Variants in SH3KBP1 observed in about 807,000 individuals in gnomAD.
SH3KBP1 encodes the protein SH3 domain containing kinase binding protein 1, also known as SH3 domain-containing kinase-binding protein 1.
A neutral mutation model predicts 50.1 loss-of-function variants in SH3KBP1; 8 were observed. The ratio of observed to expected loss-of-function variants is 0.16; its 90% CI spans 0.09 to 0.29. The LOEUF (loss-of-function observed/expected upper bound fraction) is 0.29. SH3KBP1 is among the 10% of genes least tolerant of loss of function. SH3KBP1 has a pLI of 1.00. For synonymous variants in SH3KBP1, 227 were observed against 218.6 expected, an observed-to-expected ratio of 1.04 and a Z score of -0.34; for missense variants, 377 against 535.2, an observed-to-expected ratio of 0.70 and a Z score of 2.92.
chrX:19,536,577 G>A (rs146800707), intron 17 of SH3KBP1, 119 bp from the exon 18 acceptor site: 18 of 442,075 alleles, frequency 4.1e-5, no homozygotes, highest in African/African-American at 4.0e-4. Flanking sequence ...AATTTTAAAG[G>A]TGACATGACA....
At chrX:19,733,505 T>TA (rs1201310070) in intron 3 of SH3KBP1, among the ~76,000 whole-genome samples, 5 of 110,111 alleles carry the variant, frequency 4.5e-5, no homozygotes, top group Non-Finnish European at 9.5e-5. Flanking sequence ...TATTTCAAAA[T>TA]AAAAATCAAT....
chrX:19,657,021 A>G (rs773031453), intron 6 of SH3KBP1, among the ~76,000 whole-genome samples: 1 of 111,774 alleles, frequency 8.9e-6, no homozygotes, highest in Admixed American at 9.5e-5. Flanking sequence ...GAAGGGAAAC[A>G]AAATAGTTTC....
At chrX:19,555,840 G>T (rs143698323) in intron 13 of SH3KBP1, among the ~76,000 whole-genome samples, 110 of 111,671 alleles carry the variant, frequency 9.9e-4, no homozygotes, top group African/African-American at 3.5e-3. Flanking sequence ...TGCCACAACT[G>T]AGGCGTCTTC....
intron 8 of SH3KBP1, among the ~76,000 whole-genome samples, chrX:19,626,517 C>T (rs992790462): frequency 1.8e-5 from 2 of 111,544 alleles, no homozygotes; most frequent in Non-Finnish European, 3.8e-5. Flanking sequence ...GATGACTGTA[C>T]TACTGTGTTG....
chrX:19,604,429 T>A (rs1473081161), intron 9 of SH3KBP1, among the ~76,000 whole-genome samples: 1 of 111,754 alleles, frequency 8.9e-6, no homozygotes, highest in Non-Finnish European at 1.9e-5. Context: ...GCAGAAAATA[T>A]GTCAGCCTTA....
At chrX:19,773,636 C>T (rs972579403) in intron 2 of SH3KBP1, among the ~76,000 whole-genome samples, 1 of 108,873 alleles carries the variant, frequency 9.2e-6, no homozygotes, top group East Asian at 2.9e-4. Context: ...ACAGGCGGAT[C>T]ACAAGGTCAG....
At chrX:19,776,223 C>T (rs1478524971) in intron 2 of SH3KBP1, among the ~76,000 whole-genome samples, 4 of 111,646 alleles carry the variant, frequency 3.6e-5, no homozygotes, top group East Asian at 2.8e-4. Context: ...GAGCCATAAG[C>T]GCCCTGTGCT....
At chrX:19,690,780 CG>C (rs1219966325) in intron 5 of SH3KBP1, among the ~76,000 whole-genome samples, 1 of 112,130 alleles carries the variant, frequency 8.9e-6, no homozygotes, top group African/African-American at 3.2e-5. Context: ...AATCATGATC[CG>C]TGACAATAAG....
At chrX:19,819,507 G>GATT (rs765516941) in intron 2 of SH3KBP1, among the ~76,000 whole-genome samples, 3 of 109,745 alleles carry the variant, frequency 2.7e-5, no homozygotes, top group Admixed American at 2.0e-4. Flanking sequence ...CTAATTTTTT[G>GATT]ATTATTATTA....
chrX:19,696,025 G>T (rs932684283), intron 4 of SH3KBP1, among the ~76,000 whole-genome samples: 5 of 111,813 alleles, frequency 4.5e-5, no homozygotes. Context: ...GGTTATGAAC[G>T]TAGGGTAGGT....
chrX:19,797,787 A>G (rs185435252), intron 2 of SH3KBP1, among the ~76,000 whole-genome samples: 1 of 110,313 alleles, frequency 9.1e-6, no homozygotes, highest in East Asian at 2.9e-4. Context: ...GGGTGAGAGA[A>G]CTTGTGACTG....
intron 1 of SH3KBP1, among the ~76,000 whole-genome samples, chrX:19,866,075 T>C (rs1432705432): frequency 8.9e-6 from 1 of 111,811 alleles, no homozygotes. Flanking sequence ...CATCCCGCAT[T>C]GCAGGGGGCC....
intron 12 of SH3KBP1, among the ~76,000 whole-genome samples, chrX:19,577,792 A>C (rs2066247585): frequency 9.0e-6 from 1 of 111,228 alleles, no homozygotes; most frequent in Admixed American, 9.5e-5. Context: ...AGCAAGGATG[A>C]AAGAAGAAAG....
In SH3KBP1 at chrX:19,836,194, C is replaced by T; in HGVS notation, c.93G>A (p.Lys31=). 1 of 1,208,812 alleles carries T rather than the reference C, an allele frequency of 8.3e-7. No individual in the cohort carries two copies. Among genetic ancestry groups the T allele is most frequent in the Admixed American group, 2.2e-5 (1 of 45,636 alleles). ...GTCCCTCCCACCAGCCTCCATCCTC[C>T]TTCCTGATGTTGGTGATGATTTCAC... ...SVGEIITNIR[K]EDGGWWEGQI... is the part of the protein sequence containing the mutation. Residue 31 remains lysine, a synonymous_variant, in exon 2 of 18, where the codon AAG becomes AAA. Transcript: ENST00000397821.
chrX:19,659,902 TGGA>T (rs2062407103), intron 6 of SH3KBP1, among the ~76,000 whole-genome samples: 1 of 112,768 alleles, frequency 8.9e-6, no homozygotes, highest in African/African-American at 3.2e-5. Flanking sequence ...CTATAAATGC[TGGA>T]GGAGGAGGAC....
chrX:19,835,582 AT>A (rs368097754), intron 2 of SH3KBP1, among the ~76,000 whole-genome samples: 21,683 of 97,020 alleles, frequency 0.22, 3,143 homozygotes, highest in African/African-American at 0.49. Flanking sequence ...AGCCTTTACT[AT>A]TTTTTTTTTT....
At chrX:19,692,502 C>T (rs1039471398) in intron 5 of SH3KBP1, among the ~76,000 whole-genome samples, 6 of 109,282 alleles carry the variant, frequency 5.5e-5, no homozygotes, top group African/African-American at 2.0e-4. Flanking sequence ...TCAGTAACTA[C>T]TTCAAATACT....
intron 2 of SH3KBP1, among the ~76,000 whole-genome samples, chrX:19,814,706 T>C (rs1000815373): frequency 1.8e-5 from 2 of 110,878 alleles, no homozygotes; most frequent in African/African-American, 6.6e-5. Context: ...TAAATTGCAA[T>C]CCCATCCCCA....
chrX:19,884,901 G>A (rs1268996966), intron 1 of SH3KBP1, among the ~76,000 whole-genome samples: 2 of 112,046 alleles, frequency 1.8e-5, no homozygotes, highest in Non-Finnish European at 3.8e-5. Context: ...TTCAGGGTTA[G>A]GGATTTGGTT....
Sources: allele counts gnomAD v4.1 joint callset (sites outside exome capture counted in the v4.1 genomes callset), GRCh38; gene constraint gnomAD v4.1.1; transcripts MANE v1.5; gene names NCBI Gene and HGNC (gene_info 2026-07-23, HGNC 2026-07-21).